Variants in SENP2 observed in about 807,000 individuals in gnomAD.
The protein encoded by SENP2 is sentrin-specific protease 2.
In SENP2, 16 loss-of-function variants were observed where a neutral mutation model predicts 86.3. The ratio of observed to expected loss-of-function variants is 0.19; its 90% CI spans 0.13 to 0.28. The LOEUF (loss-of-function observed/expected upper bound fraction) is 0.28, where lower values mean the gene tolerates loss of function less well. Among genes scored for constraint, SENP2 ranks in the 10% least tolerant of loss-of-function variants. The pLI is 1.00. For missense variants in SENP2, 552 were observed against 703.0 expected (o/e 0.79, Z 2.43); for synonymous variants, 222 against 238.7 (o/e 0.93, Z 0.64).
chr3:185,602,194 T>C (rs987268554), intron 5 of SENP2, among the ~76,000 whole-genome samples: 2 of 152,216 alleles, frequency 1.3e-5, no homozygotes, highest in Non-Finnish European at 2.9e-5. Flanking sequence ...AGTTAGAGTC[T>C]TTATTCAAGT....
At chr3:185,620,789 G>T (rs1711831676) in intron 13 of SENP2, among the ~76,000 whole-genome samples, 3 of 151,740 alleles carry the variant, frequency 2.0e-5, no homozygotes, top group Admixed American at 1.3e-4. Flanking sequence ...ATGCATAAGG[G>T]TTATTTATAT....
Position 185,629,944 on chromosome 3 carries a change from T to G in SENP2, c.*100T>G. 8.5e-7 allele frequency: 1 copy of G among 1,179,374 alleles called. No individual in the cohort carries two copies. The highest frequency in any genetic ancestry group is 1.3e-6 in the Non-Finnish European group (1 of 797,814). The allele number at this position is 1,179,374 out of a possible 1,614,324, so 73.1% of individuals were successfully genotyped here. On this transcript the variant is annotated 3_prime_UTR_variant, in exon 17 of 17. Coordinates refer to ENST00000296257, the MANE Select transcript of SENP2 (RefSeq NM_021627.3). Reference sequence around the variant, plus strand: ...TTAAAAAGTCCCTGCATCACTTCTGTTCTCACAGGTACTGAGCTGTCAAAA... The same window carrying G: ...TTAAAAAGTCCCTGCATCACTTCTGGTCTCACAGGTACTGAGCTGTCAAAA...
At chr3:185,599,354 AAAT>A (rs1361509069) in intron 4 of SENP2, among the ~76,000 whole-genome samples, 31 of 152,334 alleles carry the variant, frequency 2.0e-4, no homozygotes, top group African/African-American at 7.2e-4. Context: ...AAGAATAACA[AAAT>A]AATAAAACCT....
At chr3:185,616,063 A>G (rs1013361428) in intron 11 of SENP2, among the ~76,000 whole-genome samples, 3 of 151,038 alleles carry the variant, frequency 2.0e-5, no homozygotes, top group Non-Finnish European at 4.4e-5. Flanking sequence ...GGGTTTCACC[A>G]TGCTGGCCAG....
At chr3:185,614,270 A>T (rs1014334500) in intron 10 of SENP2, among the ~76,000 whole-genome samples, 26 of 152,224 alleles carry the variant, frequency 1.7e-4, no homozygotes, top group African/African-American at 5.8e-4. Context: ...TCTTTTAAAC[A>T]TACTAATTTT....
At chr3:185,602,360 AC>A (rs1722373351) in intron 5 of SENP2, among the ~76,000 whole-genome samples, 1 of 152,130 alleles carries the variant, frequency 6.6e-6, no homozygotes, top group African/African-American at 2.4e-5. Context: ...GTGTTCAAAA[AC>A]TGGGCATGCC....
intron 13 of SENP2, among the ~76,000 whole-genome samples, chr3:185,620,528 C>T (rs1436654937): frequency 3.3e-5 from 5 of 151,980 alleles, no homozygotes; most frequent in African/African-American, 7.2e-5. Context: ...CTGCAGCCTC[C>T]GCCTCCTGGG....
In SENP2 at chr3:185,633,387, T is replaced by C. The variant is rs1018570025; in HGVS notation, c.*3543T>C. 5 of 129,966 alleles carry C rather than the reference T, an allele frequency of 3.8e-5. No individual in the cohort carries two copies. Among genetic ancestry groups the C allele is most frequent in the African/African-American group, 1.5e-4 (5 of 34,070 alleles). 8.1% of individuals were successfully genotyped at this position (129,966 alleles called of 1,614,324 possible). A position where few individuals can be genotyped will look rare whatever the true frequency, so the allele number is the denominator to read the frequency against. On this transcript the variant is annotated 3_prime_UTR_variant, in exon 17 of 17. Coordinates refer to ENST00000296257, the MANE Select transcript of SENP2 (RefSeq NM_021627.3). ...AGCACCTGATATTCAAACAAACTTA[T>C]GGTACTTACTAACTCATTTGTAAAT... is the stretch of plus-strand genomic sequence containing the variant.
rs372778239 is a variant in SENP2, at chr3:185,624,125, A to T, written c.1611+43A>T. 12 of 1,379,552 alleles carry T rather than the reference A, an allele frequency of 8.7e-6. No individual in the cohort carries two copies. In the African/African-American group the frequency reaches 1.6e-4, roughly 18 times the overall value. 85.5% of individuals were successfully genotyped at this position (1,379,552 alleles called of 1,614,324 possible). ...ACATGTGACATACTTGGTTGCATTT[A>T]CTAATAGTATATTATCTAGATTTGG... On this transcript the variant is annotated intron_variant, in intron 15 of 16. Transcript: ENST00000296257.
chr3:185,610,025 AC>A (rs1352934808), intron 7 of SENP2, among the ~76,000 whole-genome samples: 7 of 152,150 alleles, frequency 4.6e-5, no homozygotes, highest in African/African-American at 1.7e-4. Context: ...TGAAAGGAGG[AC>A]AAAAAATGTG....
intron 2 of SENP2, among the ~76,000 whole-genome samples, chr3:185,592,011 C>CTTTTTTTGTTTTTTTTTT (rs1722019088): frequency 1.5e-5 from 1 of 65,804 alleles, no homozygotes; most frequent in African/African-American, 5.8e-5. Flanking sequence ...GGTAATATTT[C>CTTTTTTTGTTTTTTTTTT]TTTTTTTTTT....
intron 10 of SENP2, 193 bp downstream of exon 10, chr3:185,613,601 C>T (rs1722765580): frequency 8.1e-6 from 3 of 368,968 alleles, no homozygotes; most frequent in Admixed American, 4.4e-5. Flanking sequence ...GAGGCCAAGG[C>T]AGAAGGATCA....
Position 185,633,056 on chromosome 3 carries a change from C to G in SENP2, c.*3212C>G, listed in dbSNP as rs925362016. The G allele has an allele frequency of 6.6e-6, 1 of 152,170 alleles. No individual in the cohort carries two copies. 9.4% of individuals were successfully genotyped at this position (152,170 alleles called of 1,614,324 possible). On this transcript the variant is annotated 3_prime_UTR_variant, in exon 17 of 17. Transcript: ENST00000296257. The stretch of plus-strand genomic sequence containing the variant: ...GAGCCCCATATTCTACCTCAGTTAC[C>G]GAAGGCTATTAGAACCTCTGAATTT...
chr3:185,602,350 G>A (rs187718545), intron 5 of SENP2, among the ~76,000 whole-genome samples: 62 of 152,286 alleles, frequency 4.1e-4, no homozygotes, highest in African/African-American at 1.5e-3. Flanking sequence ...AAGTAAAGGA[G>A]TGTTCAAAAA....
Position 185,609,311 on chromosome 3 carries a change from A to G in SENP2, c.683A>G (p.His228Arg), listed in dbSNP as rs1350189780. The change falls in exon 7 of 17, where the codon CAT becomes CGT. Residue 228 changes from histidine to arginine, a missense_variant. His to Arg is a conservative substitution (Grantham distance 29, BLOSUM62 0). Transcript: ENST00000296257. ...KLLERLKESG[H>R]GNSVCPVTSN... ...TTGGAACGACTTAAAGAAAGTGGTC[A>G]TGGAAACTCTGTCTGTCCTGTAACT... 8.1e-6 allele frequency: 13 copies of G among 1,613,926 alleles called. No individual in the cohort carries two copies. The highest frequency in any genetic ancestry group is 1.7e-4 in the Middle Eastern group (1 of 6,058).
chr3:185,615,396 T>C (rs1711562901), intron 11 of SENP2, among the ~76,000 whole-genome samples: 1 of 152,168 alleles, frequency 6.6e-6, no homozygotes, highest in Non-Finnish European at 1.5e-5. Flanking sequence ...CAGGCTGGAG[T>C]GCAATGGCGC....
At position 185,606,433 on chromosome 3, in the gene SENP2, G is replaced by A. The variant is rs1180483924; in HGVS notation, c.553G>A (p.Val185Ile). The change falls in exon 6 of 17, where the codon GTA becomes ATA. Residue 185 changes from valine (V) to isoleucine (I), a missense_variant. Around this residue, in one of 2 missense-constraint regions of SENP2, gnomAD observed 383 missense variants for 427.3 expected, o/e 0.90. Transcript: ENST00000296257. ...AATGTGGAAACCTCAGGAACAGGCT[G>A]TAACAGAGATGATTTCTGAAGAGAG... ...SLMWKPQEQA[V>I]TEMISEESGK... is the part of the protein sequence containing the mutation. 6.2e-7 allele frequency: 1 copy of A among 1,613,948 alleles called. No individual in the cohort carries two copies. Among genetic ancestry groups the A allele is most frequent in the East Asian group, 2.2e-5 (1 of 44,878 alleles).
rs1423263429 is a variant in SENP2, at chr3:185,632,014, C to T, written c.*2170C>T. ...CTATAGCATGGCCTTCTGCTTGACCCTGAGTTCCTGAATTGAATGTGGGAG... is the reference window on the plus strand; with the variant it reads ...CTATAGCATGGCCTTCTGCTTGACCTTGAGTTCCTGAATTGAATGTGGGAG... On this transcript the variant is annotated 3_prime_UTR_variant, in exon 17 of 17. Coordinates refer to ENST00000296257, the MANE Select transcript of SENP2 (RefSeq NM_021627.3). 1 of 151,616 alleles carries T rather than the reference C, an allele frequency of 6.6e-6. No individual in the cohort carries two copies. The highest frequency in any genetic ancestry group is 1.5e-5 in the Non-Finnish European group (1 of 67,956). 9.4% of individuals were successfully genotyped at this position (151,616 alleles called of 1,614,324 possible).
rs1403478396 is a variant in SENP2 at position 185,614,626 on chromosome 3, C to G, written c.996C>G (p.Gly332=). ...AAGTGTCGGCCCGACTCCGCCTGGG[C>G]AGTGGAAGCAATGGCTTACTCAGGA... ...SEEVSARLRL[G]SGSNGLLRRK... The change falls in exon 11 of 17, where the codon GGC becomes GGG. Residue 332 remains glycine, a synonymous_variant. Transcript: ENST00000296257. 6.2e-7 allele frequency: 1 copy of G among 1,614,162 alleles called. No homozygotes were observed. Among genetic ancestry groups the G allele is most frequent in the Admixed American group, 1.7e-5 (1 of 60,006 alleles).
Sources: allele counts gnomAD v4.1 joint callset (sites outside exome capture counted in the v4.1 genomes callset), GRCh38; gene constraint gnomAD v4.1.1; regional missense constraint gnomAD v4.1.1; transcripts MANE v1.5; gene names NCBI Gene and HGNC (gene_info 2026-07-23, HGNC 2026-07-21).